GRM3: variants seen among roughly 807,000 people sequenced by gnomAD.
GRM3 encodes the protein metabotropic glutamate receptor 3.
GRM3 carries 26 observed loss-of-function variants against 70.5 expected under a neutral mutation model. That is an observed-to-expected ratio of 0.37 (90% confidence interval 0.27 to 0.51). The LOEUF (loss-of-function observed/expected upper bound fraction) is 0.51, where lower values mean the gene tolerates loss of function less well. Ranked by LOEUF, GRM3 falls within the 20% of genes least tolerant of loss-of-function variation. The pLI is 0.93. For missense variants in GRM3, 859 were observed against 1,123.8 expected (o/e 0.76, Z 3.37); for synonymous variants, 443 against 434.9 (o/e 1.02, Z -0.23).
intron 1 of GRM3, among the ~76,000 whole-genome samples, chr7:86,750,038 A>G (rs886932106): frequency 5.9e-5 from 9 of 152,082 alleles, no homozygotes; most frequent in African/African-American, 2.2e-4. Flanking sequence ...ACTTGCATAC[A>G]AGTTCAAAAA....
chr7:86,714,082 A>G (rs886930483), intron 1 of GRM3, among the ~76,000 whole-genome samples: 5 of 151,962 alleles, frequency 3.3e-5, no homozygotes, highest in African/African-American at 1.2e-4. Flanking sequence ...ACATCCACAC[A>G]CCAGTCTCTA....
intron 4 of GRM3, among the ~76,000 whole-genome samples, chr7:86,846,164 C>T (rs572668511): frequency 2.0e-5 from 3 of 152,232 alleles, no homozygotes; most frequent in East Asian, 3.9e-4. Context: ...GGTGAGTAAG[C>T]GCCCAAATAC....
intron 3 of GRM3, among the ~76,000 whole-genome samples, chr7:86,790,349 C>T (rs866346631): frequency 1.3e-5 from 2 of 152,112 alleles, no homozygotes; most frequent in Non-Finnish European, 2.9e-5. Flanking sequence ...AAAATAGATC[C>T]AGAATCTGAT....
At position 86,794,293 on chromosome 7, in the gene GRM3, A is replaced by C. The variant is rs540550405; in HGVS notation, c.1324+7177A>C. On this transcript the variant is annotated intron_variant, in intron 3 of 5. Transcript: ENST00000361669. ...GCAGGACACTGAGAAGCCAACATACATAAAGGAACTATTTTCAGTAGGTTC... is the reference window on the plus strand; with the variant it reads ...GCAGGACACTGAGAAGCCAACATACCTAAAGGAACTATTTTCAGTAGGTTC... Among the ~76,000 whole-genome samples the C allele has an allele frequency of 2.6e-5, 4 of 152,312 alleles. No homozygotes were observed. In the South Asian group the frequency reaches 8.3e-4, roughly 32 times the overall value.
chr7:86,707,162 C>G (rs1031866513), intron 1 of GRM3, among the ~76,000 whole-genome samples: 1 of 152,060 alleles, frequency 6.6e-6, no homozygotes, highest in Admixed American at 6.6e-5. Flanking sequence ...CCAGACCAAC[C>G]CTGATAACAT....
At chr7:86,783,361 C>G (rs1403080567) in intron 2 of GRM3, among the ~76,000 whole-genome samples, 1 of 152,142 alleles carries the variant, frequency 6.6e-6, no homozygotes, top group Admixed American at 6.5e-5. Context: ...GTCAAAACAC[C>G]TGGTTTTACA....
At position 86,786,306 on chromosome 7, in the gene GRM3, G is replaced by A. The variant is rs1287556218; in HGVS notation, c.514G>A (p.Ala172Thr). The change falls in exon 3 of 6, where the codon GCA (alanine) becomes ACA (threonine). Residue 172 changes from alanine to threonine, a missense_variant. Physicochemically the swap from Ala to Thr is moderately conservative, Grantham distance 58. Coordinates refer to ENST00000361669, the MANE Select transcript of GRM3 (RefSeq NM_000840.3). The surrounding 1 kb of genome is among the most constrained non-coding windows in gnomAD (Gnocchi z 6.0). ...CTTCCAGATCCCTCAGATCAGCTAC[G>A]CATCCACCAGCGCCAAACTCAGTGA... is the stretch of plus-strand genomic sequence containing the variant. ...RLFQIPQISY[A>T]STSAKLSDKS... The A allele has an allele frequency of 6.2e-7, 1 of 1,614,040 alleles. No homozygotes were observed. Among genetic ancestry groups the A allele is most frequent in the Non-Finnish European group, 8.5e-7 (1 of 1,179,954 alleles).
intron 1 of GRM3, among the ~76,000 whole-genome samples, chr7:86,749,141 C>T (rs1283602613): frequency 6.6e-6 from 1 of 152,030 alleles, no homozygotes; most frequent in African/African-American, 2.4e-5. Context: ...TTTTCTAATT[C>T]TTACTACTGG....
In GRM3 at chr7:86,746,159, T is replaced by C. The variant is rs139798945; in HGVS notation, c.-140-18847T>C. On this transcript the variant is annotated intron_variant, in intron 1 of 5. Coordinates refer to ENST00000361669, the MANE Select transcript of GRM3 (RefSeq NM_000840.3). ...TAACTTCCTAAGTAGATTTTTCTAA[T>C]GTTTTCCTCATCTGGCTCTATAATC... Among the ~76,000 whole-genome samples the C allele has an allele frequency of 2.3e-3, 348 of 151,832 alleles. 1 individual carries two copies. The highest frequency in any genetic ancestry group is 7.9e-3 in the African/African-American group (329 of 41,422).
intron 3 of GRM3, among the ~76,000 whole-genome samples, chr7:86,792,424 A>G (rs1335499494): frequency 6.6e-6 from 1 of 152,206 alleles, no homozygotes; most frequent in Non-Finnish European, 1.5e-5. Context: ...AAGTGCCCCA[A>G]GACACATCCA....
At chr7:86,780,896 C>CA (rs1199637370) in intron 2 of GRM3, among the ~76,000 whole-genome samples, 2 of 151,784 alleles carry the variant, frequency 1.3e-5, no homozygotes, top group Non-Finnish European at 2.9e-5. Context: ...GGCTTCAGAA[C>CA]AAAAAAACAG....
intron 4 of GRM3, among the ~76,000 whole-genome samples, chr7:86,844,997 T>C (rs1989796): frequency 0.65 from 98,079 of 151,908 alleles, 34,295 homozygotes; most frequent in African/African-American, 0.91. Flanking sequence ...TCAAGCGATT[T>C]TCCTGCCTCA....
chr7:86,792,770 G>T (rs76549475), intron 3 of GRM3, among the ~76,000 whole-genome samples: 5,827 of 152,150 alleles, frequency 0.038, 139 homozygotes, highest in East Asian at 0.066. Context: ...ACAATGTTAG[G>T]GTGTTGCCCT....
At chr7:86,729,131 T>G (rs534067060) in intron 1 of GRM3, among the ~76,000 whole-genome samples, 1 of 152,320 alleles carries the variant, frequency 6.6e-6, no homozygotes, top group East Asian at 1.9e-4. Context: ...CAGATTTTTT[T>G]TTTAGTTGAA....
chr7:86,693,241 C>T (rs1794734601), intron 1 of GRM3, among the ~76,000 whole-genome samples: 1 of 152,196 alleles, frequency 6.6e-6, no homozygotes, highest in Non-Finnish European at 1.5e-5. Context: ...TAGTATAAGA[C>T]TTACTTTTAA....
In GRM3 at chr7:86,674,033, T is replaced by G. The variant is rs576298059; in HGVS notation, c.-141+29161T>G. On this transcript the variant is annotated intron_variant, in intron 1 of 5. Transcript: ENST00000361669. ...CCATCTAAAACCAGTATATTGATTA[T>G]CTACTGTTGTCTAACACATTGCACC... 2.6e-5 allele frequency among the ~76,000 whole-genome samples: 4 copies of G among 152,266 alleles called. No homozygotes were observed. The East Asian group carries it at 7.7e-4, about 29-fold the overall frequency.
At chr7:86,722,581 G>A (rs1169077009) in intron 1 of GRM3, among the ~76,000 whole-genome samples, 1 of 140,176 alleles carries the variant, frequency 7.1e-6, no homozygotes, top group Non-Finnish European at 1.5e-5. Context: ...AAGGCAGGGG[G>A]GCATCACACA....
intron 1 of GRM3, among the ~76,000 whole-genome samples, chr7:86,700,901 C>G (rs1794933234): frequency 6.6e-6 from 1 of 151,766 alleles, no homozygotes; most frequent in Non-Finnish European, 1.5e-5. Flanking sequence ...ATTAACTTAC[C>G]CTCTACTAAT....
At chr7:86,720,355 C>T (rs1017819845) in intron 1 of GRM3, among the ~76,000 whole-genome samples, 1 of 151,774 alleles carries the variant, frequency 6.6e-6, no homozygotes, top group East Asian at 1.9e-4. Context: ...ACTTCAGGTA[C>T]CAGCAAGGCA....
Sources: allele counts gnomAD v4.1 joint callset (sites outside exome capture counted in the v4.1 genomes callset), GRCh38; gene constraint gnomAD v4.1.1; non-coding constraint Gnocchi (gnomAD v3.1); transcripts MANE v1.5; gene names NCBI Gene and HGNC (gene_info 2026-07-23, HGNC 2026-07-21).